OR2T12: variants seen among roughly 807,000 people sequenced by gnomAD.
OR2T12 encodes the protein olfactory receptor 2T12.
For missense variants in OR2T12, 335 were observed against 404.3 expected, an observed-to-expected ratio of 0.83 and a Z score of 1.47; for synonymous variants, 127 against 160.5, an observed-to-expected ratio of 0.79 and a Z score of 1.58.
rs1659637791 is a variant in OR2T12, at chr1:248,291,814, C to T, written c.*2802G>A. The T allele has an allele frequency of 1.3e-5, 2 of 151,964 alleles. No homozygotes were observed. The highest frequency in any genetic ancestry group is 2.9e-5 in the Non-Finnish European group (2 of 67,964). 9.4% of individuals were successfully genotyped at this position (151,964 alleles called of 1,614,324 possible). A position where few individuals can be genotyped will look rare whatever the true frequency, so the allele number is the denominator to read the frequency against. On this transcript the variant is annotated 3_prime_UTR_variant, in exon 3 of 3. Transcript: ENST00000641276. ...ACCATCTCTTCTTTGACAAACCTGA[C>T]AAAAACAAGCAATGGGGAAAGGATT...
intron 2 of OR2T12, among the ~76,000 whole-genome samples, chr1:248,300,928 T>TA (rs1007857849): frequency 3.9e-5 from 6 of 152,146 alleles, no homozygotes; most frequent in African/African-American, 1.4e-4. Flanking sequence ...CTTGATCACT[T>TA]AGACATTTCT....
chr1:248,297,780 A>C (rs1201388402), intron 2 of OR2T12, among the ~76,000 whole-genome samples: 2 of 147,756 alleles, frequency 1.4e-5, no homozygotes, highest in Non-Finnish European at 3.0e-5. Context: ...TAGATATACA[A>C]TCATGTCATC....
intron 2 of OR2T12, among the ~76,000 whole-genome samples, chr1:248,296,236 T>C (rs1266385766): frequency 1.3e-5 from 2 of 152,250 alleles, no homozygotes; most frequent in Non-Finnish European, 2.9e-5. Context: ...TGCCACATTT[T>C]CTTAATCCAG....
Position 248,295,211 on chromosome 1 carries a change from G to T in OR2T12, c.368C>A (p.Ala123Asp), listed in dbSNP as rs761499864. The change falls in exon 3 of 3, where the codon GCT (alanine) becomes GAT (aspartate). Residue 123 changes from alanine (A) to aspartate (D), a missense_variant. Coordinates refer to ENST00000641276, the MANE Select transcript of OR2T12 (RefSeq NM_001004692.2). ...LAAMAYDRYA[A>D]VCHPLRYPTL... ...GGGATATCGGAGTGGGTGGCAGACA[G>T]CCGCATAGCGGTCATAGGCCATGGC... is the stretch of plus-strand genomic sequence containing the variant. 157 of 1,609,672 alleles carry T rather than the reference G, an allele frequency of 9.8e-5. No individual in the cohort carries two copies. The highest frequency in any genetic ancestry group is 2.0e-4 in the Admixed American group (12 of 59,762).
At chr1:248,297,614 C>A (rs901270848) in intron 2 of OR2T12, among the ~76,000 whole-genome samples, 47 of 152,254 alleles carry the variant, frequency 3.1e-4, no homozygotes, top group African/African-American at 1.1e-3. Flanking sequence ...CTCTTTGAAG[C>A]AATTGTGAAT....
At position 248,292,838 on chromosome 1, in the gene OR2T12, A is replaced by G. The variant is rs549067206; in HGVS notation, c.*1778T>C. The G allele has an allele frequency of 8.7e-4, 133 of 152,222 alleles. No individual in the cohort carries two copies. The highest frequency in any genetic ancestry group is 3.1e-3 in the African/African-American group (127 of 41,570). 9.4% of individuals were successfully genotyped at this position (152,222 alleles called of 1,614,324 possible). A position where few individuals can be genotyped will look rare whatever the true frequency, so the allele number is the denominator to read the frequency against. Reference sequence around the variant, plus strand: ...GAATATTTTATCCTTACAAAATTTTAAAGGCTTAGTTTACCATTTGTAACT... The same window carrying G: ...GAATATTTTATCCTTACAAAATTTTGAAGGCTTAGTTTACCATTTGTAACT... On this transcript the variant is annotated 3_prime_UTR_variant, in exon 3 of 3. Transcript: ENST00000641276.
In OR2T12 at chr1:248,290,718, G is replaced by C. The variant is rs1383686377; in HGVS notation, c.*3898C>G. On this transcript the variant is annotated 3_prime_UTR_variant, in exon 3 of 3. Transcript: ENST00000641276. ...TTGCTATTTCTCCGCATACGTGCCAGCGTCTGTTGTTTCCTGACTTTTTTT... is the reference window on the plus strand; with the variant it reads ...TTGCTATTTCTCCGCATACGTGCCACCGTCTGTTGTTTCCTGACTTTTTTT... The C allele has an allele frequency of 1.3e-5, 2 of 152,164 alleles. No individual in the cohort carries two copies. The highest frequency in any genetic ancestry group is 2.4e-5 in the African/African-American group (1 of 41,456). The allele number at this position is 152,164 out of a possible 1,614,324, so 9.4% of individuals were successfully genotyped here. A position where few individuals can be genotyped will look rare whatever the true frequency, so the allele number is the denominator to read the frequency against.
intron 2 of OR2T12, among the ~76,000 whole-genome samples, chr1:248,297,281 G>C (rs1283666240): frequency 1.3e-5 from 2 of 152,052 alleles, no homozygotes; most frequent in Non-Finnish European, 1.5e-5. Context: ...TTGAAGTCAG[G>C]TAGCGTGATG....
At position 248,295,464 on chromosome 1, in the gene OR2T12, T is replaced by G. The variant is rs41310573; in HGVS notation, c.115A>C (p.Ser39Arg). 5.6e-6 allele frequency: 9 copies of G among 1,612,194 alleles called. No homozygotes were observed. The Middle Eastern group carries it at 5.0e-4, about 89-fold the overall frequency. Residue 39 changes from serine to arginine, a missense_variant, in exon 3 of 3, where the codon AGC becomes CGC. Transcript: ENST00000641276. ...ATCAGGAGAATCATGAGGGCATTGC[T>G]AAACAGGGAGGTCAAAACGGTGGCC... is the stretch of plus-strand genomic sequence containing the variant. ...LLATVLTSLFSNALMILLIHW... is the reference protein window; with the variant it reads ...LLATVLTSLFRNALMILLIHW...
At chr1:248,302,941 G>A (rs1292412276) in intron 1 of OR2T12, among the ~76,000 whole-genome samples, 2 of 151,988 alleles carry the variant, frequency 1.3e-5, no homozygotes, top group Non-Finnish European at 2.9e-5. Flanking sequence ...TTGGATATTC[G>A]ATTTTTGGTT....
chr1:248,302,693 G>A (rs921554141), intron 1 of OR2T12, among the ~76,000 whole-genome samples: 2 of 152,064 alleles, frequency 1.3e-5, no homozygotes, highest in Admixed American at 6.6e-5. Flanking sequence ...GTTGCAGATT[G>A]CAGATTTTTT....
intron 2 of OR2T12, among the ~76,000 whole-genome samples, chr1:248,299,993 C>G (rs1659791932): frequency 6.6e-6 from 1 of 152,090 alleles, no homozygotes; most frequent in Non-Finnish European, 1.5e-5. Context: ...CCAACAAGAA[C>G]AAAGACACAA....
chr1:248,300,415 G>T (rs926038818), intron 2 of OR2T12, among the ~76,000 whole-genome samples: 1 of 152,082 alleles, frequency 6.6e-6, no homozygotes, highest in African/African-American at 2.4e-5. Flanking sequence ...CTGATTATTG[G>T]TATCTGAGAT....
intron 1 of OR2T12, among the ~76,000 whole-genome samples, chr1:248,302,708 C>T (rs765832329): frequency 6.6e-6 from 1 of 152,036 alleles, no homozygotes; most frequent in Non-Finnish European, 1.5e-5. Context: ...TTTTTTAACA[C>T]TTTGAAATAT....
At chr1:248,302,289 T>G (rs982065613) in intron 1 of OR2T12, among the ~76,000 whole-genome samples, 7 of 152,070 alleles carry the variant, frequency 4.6e-5, no homozygotes, top group Admixed American at 4.6e-4. Flanking sequence ...CTACAAGAAG[T>G]AGCATTGATG....
At chr1:248,298,684 G>C (rs1250654424) in intron 2 of OR2T12, among the ~76,000 whole-genome samples, 1 of 151,318 alleles carries the variant, frequency 6.6e-6, no homozygotes, top group Admixed American at 6.6e-5. Context: ...ATTTCTGTGG[G>C]ATCGGTGGTG....
intron 2 of OR2T12, among the ~76,000 whole-genome samples, chr1:248,298,009 T>C (rs565286504): frequency 2.0e-4 from 30 of 151,860 alleles, no homozygotes; most frequent in African/African-American, 6.5e-4. Context: ...GCTCTTATTA[T>C]TTTGAGATAT....
chr1:248,301,868 C>A (rs1659815987), intron 1 of OR2T12, among the ~76,000 whole-genome samples: 1 of 151,826 alleles, frequency 6.6e-6, no homozygotes, highest in Non-Finnish European at 1.5e-5. Flanking sequence ...ATGCGCAGAG[C>A]AATATATTGT....
rs1280159469 is a variant in OR2T12, at chr1:248,293,580, C to A, written c.*1036G>T. On this transcript the variant is annotated 3_prime_UTR_variant, in exon 3 of 3. Coordinates refer to ENST00000641276, the MANE Select transcript of OR2T12 (RefSeq NM_001004692.2). ...AAACTCCAAATCTTTAAAATGTGTC[C>A]CAAATTTTTCATCAGAAATATCTCT... 6.6e-6 allele frequency: 1 copy of A among 151,932 alleles called. No individual in the cohort carries two copies. The highest frequency in any genetic ancestry group is 2.4e-5 in the African/African-American group (1 of 41,350). 9.4% of individuals were successfully genotyped at this position (151,932 alleles called of 1,614,324 possible). A position where few individuals can be genotyped will look rare whatever the true frequency, so the allele number is the denominator to read the frequency against.
Sources: gnomAD v4.1 joint callset for allele counts (sites outside exome capture counted in the v4.1 genomes callset) on GRCh38, gnomAD v4.1.1 for gene constraint, MANE v1.5 for transcripts, NCBI Gene and HGNC (gene_info 2026-07-23, HGNC 2026-07-21) for gene names.